Variants in GASK1A observed in about 807,000 individuals in gnomAD.
GASK1A encodes the protein golgi associated kinase 1A.
In GASK1A, 40 loss-of-function variants were observed where a neutral mutation model predicts 41.2. That is an observed-to-expected ratio of 0.97 (90% CI 0.75 to 1.27). GASK1A has a LOEUF of 1.27. Ranked by LOEUF, GASK1A falls within the 50% of genes most tolerant of loss-of-function variation. The probability of loss-of-function intolerance (pLI) is 0.00; values close to 1 mark genes in which losing one functional copy is unlikely to be tolerated. For synonymous variants in GASK1A, 316 were observed against 307.1 expected (o/e 1.03, Z -0.30); for missense variants, 678 against 745.1 (o/e 0.91, Z 1.05).
chr3:42,979,655 G>T lies in GASK1A; in HGVS notation c.3+10G>T, dbSNP rs1171482624. ...CACCGCCGGGGACATGGTAGGACTC[G>T]CGGGAAGGAACGCGCGAGCGGAGGG... On this transcript the variant is annotated intron_variant, in intron 1 of 4. Coordinates refer to ENST00000430121, the MANE Select transcript of GASK1A (RefSeq NM_001129908.3). 4 of 1,245,596 alleles carry T rather than the reference G, an allele frequency of 3.2e-6. No individual in the cohort carries two copies. Among genetic ancestry groups the T allele is most frequent in the Non-Finnish European group, 4.0e-6 (4 of 987,698 alleles). 77.2% of individuals were successfully genotyped at this position (1,245,596 alleles called of 1,614,324 possible). A position where few individuals can be genotyped will look rare whatever the true frequency, so the allele number is the denominator to read the frequency against.
At chr3:43,011,691 A>T (rs577651211) in intron 1 of GASK1A, among the ~76,000 whole-genome samples, 2 of 152,264 alleles carry the variant, frequency 1.3e-5, no homozygotes, top group South Asian at 4.1e-4. Context: ...GTGAAGTCAC[A>T]GGAAGGGGCT....
At position 43,007,466 on chromosome 3, in the gene GASK1A, G is replaced by C. The variant is rs77554563; in HGVS notation, c.4-24801G>C. Among the ~76,000 whole-genome samples the C allele has an allele frequency of 1.1e-3, 167 of 152,288 alleles. 2 individuals carry two copies. In the East Asian group the frequency reaches 0.02, roughly 18 times the overall value. ...CACAGTATGGAGATCTGGGTGTCTA[G>C]CTTCTTCTTAAGTCGACTTTCAGCC... is the stretch of plus-strand genomic sequence containing the variant. On this transcript the variant is annotated intron_variant, in intron 1 of 4. Coordinates refer to ENST00000430121, the MANE Select transcript of GASK1A (RefSeq NM_001129908.3).
chr3:43,021,626 A>G (rs2089522640), intron 1 of GASK1A, among the ~76,000 whole-genome samples: 1 of 152,206 alleles, frequency 6.6e-6, no homozygotes, highest in Admixed American at 6.5e-5. Context: ...CCTTTTACAT[A>G]CTTTGACTCA....
At position 42,979,636 on chromosome 3, in the gene GASK1A, C is replaced by G. The variant is rs748481926; in HGVS notation, c.-7C>G. The G allele has an allele frequency of 1.6e-6, 2 of 1,244,618 alleles. No homozygotes were observed. The highest frequency in any genetic ancestry group is 3.1e-5 in the African/African-American group (2 of 64,428). 77.1% of individuals were successfully genotyped at this position (1,244,618 alleles called of 1,614,324 possible). On this transcript the variant is annotated 5_prime_UTR_variant, in exon 1 of 5. Transcript: ENST00000430121. ...GCCGAGGAGCCGGCCGGGGCACCGC[C>G]GGGGACATGGTAGGACTCGCGGGAA...
chr3:43,047,638 C>A lies in GASK1A; in HGVS notation c.1291-5883C>A, dbSNP rs147972013. On this transcript the variant is annotated intron_variant, in intron 2 of 4. Coordinates refer to ENST00000430121, the MANE Select transcript of GASK1A (RefSeq NM_001129908.3). The stretch of plus-strand genomic sequence containing the variant: ...GTTGTTGAGGGGAGAGGTTCCTTCT[C>A]TCTCTCCCCTTCTCTCATACTCTTC... 7.7e-3 allele frequency among the ~76,000 whole-genome samples: 1,166 copies of A among 152,238 alleles called. 18 individuals carry two copies. The highest frequency in any genetic ancestry group is 0.026 in the African/African-American group (1,094 of 41,544).
At chr3:43,054,077 A>G (rs1373465008) in intron 3 of GASK1A, 10 of 324,538 alleles carry the variant, frequency 3.1e-5, no homozygotes, top group Admixed American at 4.1e-5. Context: ...AGTGGCTCAC[A>G]GGCTGGTGCT....
At chr3:43,031,087 T>C (rs1057179329) in intron 1 of GASK1A, among the ~76,000 whole-genome samples, 2 of 152,220 alleles carry the variant, frequency 1.3e-5, no homozygotes, top group African/African-American at 4.8e-5. Flanking sequence ...GCATATAGTA[T>C]CAAAAATCTC....
intron 2 of GASK1A, among the ~76,000 whole-genome samples, chr3:43,046,426 G>A (rs557708034): frequency 6.6e-6 from 1 of 152,320 alleles, no homozygotes; most frequent in East Asian, 1.9e-4. Context: ...TCTGGCAGAA[G>A]AAATTTCTAA....
chr3:43,048,586 C>T (rs2089674640), intron 2 of GASK1A, among the ~76,000 whole-genome samples: 3 of 152,150 alleles, frequency 2.0e-5, no homozygotes, highest in Admixed American at 2.0e-4. Context: ...AGATGAGGGC[C>T]CTTGACAGAC....
chr3:42,991,931 G>A (rs1040469909), intron 1 of GASK1A, among the ~76,000 whole-genome samples: 1 of 152,168 alleles, frequency 6.6e-6, no homozygotes, highest in Admixed American at 6.5e-5. Context: ...GGCAAGCCTG[G>A]CCAGTCTGCA....
At chr3:43,055,355 A>G in intron 3 of GASK1A, 77 bp from the exon 4 acceptor site, 1 of 1,055,094 alleles carries the variant, frequency 9.5e-7, no homozygotes. Context: ...CAGCCCCTTA[A>G]TCTTGACCAA....
chr3:43,055,528 A>G lies in GASK1A; in HGVS notation c.1510A>G (p.Ile504Val). The change falls in exon 4 of 5, where the codon ATA (isoleucine) becomes GTA (valine). Residue 504 changes from isoleucine to valine, a missense_variant. Coordinates refer to ENST00000430121, the MANE Select transcript of GASK1A (RefSeq NM_001129908.3). ...DKLNFRLLEG[I>V]DGFPESAVKV... Reference sequence around the variant, plus strand: ...GCTGAACTTTCGGCTGCTGGAGGGCATAGATGGGTGAGGGTCAAAAGGGTT... The same window carrying G: ...GCTGAACTTTCGGCTGCTGGAGGGCGTAGATGGGTGAGGGTCAAAAGGGTT... 6.4e-7 allele frequency: 1 copy of G among 1,551,646 alleles called. No homozygotes were observed.
chr3:43,038,426 T>G (rs941140587), intron 2 of GASK1A, among the ~76,000 whole-genome samples: 1 of 152,244 alleles, frequency 6.6e-6, no homozygotes, highest in African/African-American at 2.4e-5. Context: ...TGAAATTGTA[T>G]GATTATTGAC....
At chr3:43,021,390 TTCC>T (rs1156875090) in intron 1 of GASK1A, among the ~76,000 whole-genome samples, 4 of 152,194 alleles carry the variant, frequency 2.6e-5, no homozygotes, top group Non-Finnish European at 2.9e-5. Context: ...CCCAGGTGGC[TTCC>T]TCCTGGCTGA....
At chr3:43,037,867 A>G (rs972273663) in intron 2 of GASK1A, among the ~76,000 whole-genome samples, 6 of 152,200 alleles carry the variant, frequency 3.9e-5, no homozygotes, top group African/African-American at 1.4e-4. Flanking sequence ...ATTTTGCATT[A>G]CTGTTTCACA....
chr3:43,033,409 T>C lies in GASK1A; in HGVS notation c.1146T>C (p.Asp382=), dbSNP rs2089589891. The change falls in exon 2 of 5, where the codon GAT becomes GAC. Residue 382 remains aspartate, a synonymous_variant. Coordinates refer to ENST00000430121, the MANE Select transcript of GASK1A (RefSeq NM_001129908.3). The part of the protein sequence containing the change: ...APDVQHLSDP[D]EDQNSLALGW... ...ATGTGCAGCACCTGAGCGACCCAGA[T>C]GAGGATCAGAACTCTCTGGCCTTGG... 1 of 1,551,478 alleles carries C rather than the reference T, an allele frequency of 6.4e-7. No homozygotes were observed. The highest frequency in any genetic ancestry group is 8.7e-7 in the Non-Finnish European group (1 of 1,147,008).
At chr3:43,050,036 G>A (rs761450869) in intron 2 of GASK1A, among the ~76,000 whole-genome samples, 30 of 134,220 alleles carry the variant, frequency 2.2e-4, no homozygotes, top group Non-Finnish European at 4.4e-4. Flanking sequence ...AAATCAGAGG[G>A]GAAAAAAAGA....
intron 1 of GASK1A, among the ~76,000 whole-genome samples, chr3:42,983,346 T>TA (rs1207084731): frequency 1.3e-5 from 2 of 152,108 alleles, no homozygotes; most frequent in African/African-American, 4.8e-5. Flanking sequence ...TGTTAGGGTC[T>TA]AAAATGGTAA....
chr3:43,056,380 C>T lies in GASK1A; in HGVS notation c.1722C>T (p.Asp574=). The part of the protein sequence containing the change: ...KHNLTLFRDE[D]P ...ACCTCACACTCTTCAGGGACGAGGA[C>T]CCATAAGCCGCACACAGCCCTGAGT... The change falls in exon 5 of 5, where the codon GAC becomes GAT. Residue 574 remains aspartate (D), a synonymous_variant. Coordinates refer to ENST00000430121, the MANE Select transcript of GASK1A (RefSeq NM_001129908.3). 1.3e-6 allele frequency: 2 copies of T among 1,541,616 alleles called. No individual in the cohort carries two copies. Among genetic ancestry groups the T allele is most frequent in the Middle Eastern group, 2.1e-4 (1 of 4,698 alleles).
Sources: gnomAD v4.1 joint callset for allele counts (sites outside exome capture counted in the v4.1 genomes callset) on GRCh38, gnomAD v4.1.1 for gene constraint, MANE v1.5 for transcripts, NCBI Gene and HGNC (gene_info 2026-07-23, HGNC 2026-07-21) for gene names.